Variants in RNF10 observed in about 807,000 individuals in gnomAD.
RNF10 encodes the protein E3 ubiquitin-protein ligase RNF10.
In RNF10, 38 loss-of-function variants were observed where a neutral mutation model predicts 91.4. That is an observed-to-expected ratio of 0.42 (90% CI 0.32 to 0.54). The LOEUF is 0.54. RNF10 is among the 20% of genes least tolerant of loss of function. The probability of loss-of-function intolerance (pLI) is 0.16; values close to 1 mark genes in which losing one functional copy is unlikely to be tolerated. For synonymous variants in RNF10, 364 were observed against 366.3 expected (o/e 0.99, Z 0.07); for missense variants, 945 against 1,012.0 (o/e 0.93, Z 0.90).
intron 2 of RNF10, among the ~76,000 whole-genome samples, chr12:120,551,872 GA>G (rs961059201): frequency 6.6e-6 from 1 of 152,060 alleles, no homozygotes; most frequent in South Asian, 2.1e-4. Flanking sequence ...GGTAATTTAT[GA>G]AAAAGAGTGG....
At chr12:120,543,501 C>CA (rs1312709037) in intron 1 of RNF10, among the ~76,000 whole-genome samples, 1 of 151,810 alleles carries the variant, frequency 6.6e-6, no homozygotes, top group African/African-American at 2.4e-5. Flanking sequence ...CCCGTCTGCA[C>CA]AAAAAAATTT....
chr12:120,570,806 A>C lies in RNF10; in HGVS notation c.2042-385A>C, dbSNP rs568611506. 5.3e-5 allele frequency among the ~76,000 whole-genome samples: 8 copies of C among 152,270 alleles called. No homozygotes were observed. The East Asian group carries it at 1.2e-3, about 22-fold the overall frequency. ...GGGAATGTAAAAGCTGAGCTGATTAAATTTTATCTTTTTCTTGGAGCTATT... is the reference window on the plus strand; with the variant it reads ...GGGAATGTAAAAGCTGAGCTGATTACATTTTATCTTTTTCTTGGAGCTATT... On this transcript the variant is annotated intron_variant, in intron 13 of 16. Coordinates refer to ENST00000325954, the MANE Select transcript of RNF10 (RefSeq NM_014868.5).
intron 1 of RNF10, 40 bp downstream of exon 1, chr12:120,535,008 C>G: frequency 6.5e-7 from 1 of 1,544,246 alleles, no homozygotes; most frequent in African/African-American, 1.4e-5. Flanking sequence ...GGCGACTGCC[C>G]CTGCTGCTGG....
intron 2 of RNF10, among the ~76,000 whole-genome samples, chr12:120,549,751 C>G (rs1872772106): frequency 6.6e-6 from 1 of 152,138 alleles, no homozygotes; most frequent in Admixed American, 6.5e-5. Context: ...CACCACTGCA[C>G]TCCAGCTTGG....
rs1593125756 is a variant in RNF10 at position 120,575,698 on chromosome 12, G to A, written c.2200+10G>A. 6.2e-7 allele frequency: 1 copy of A among 1,614,222 alleles called. No homozygotes were observed. ...ACTGCTCCAAAGAAAGGTGAGGATGGTCCACTGGTGAAGGGGGAGTTTGGC... is the reference window on the plus strand; with the variant it reads ...ACTGCTCCAAAGAAAGGTGAGGATGATCCACTGGTGAAGGGGGAGTTTGGC... On this transcript the variant is annotated intron_variant, in intron 15 of 16. Coordinates refer to ENST00000325954, the MANE Select transcript of RNF10 (RefSeq NM_014868.5).
rs980446280 is a variant in RNF10 at position 120,552,666 on chromosome 12, G to C, written c.522G>C (p.Lys174Asn). 1 of 1,614,084 alleles carries C rather than the reference G, an allele frequency of 6.2e-7. No homozygotes were observed. Among genetic ancestry groups the C allele is most frequent in the Non-Finnish European group, 8.5e-7 (1 of 1,180,010 alleles). Residue 174 changes from lysine (K) to asparagine (N), a missense_variant, in exon 3 of 17, where the codon AAG (lysine) becomes AAC (asparagine). Physicochemically the swap from Lys to Asn is moderately conservative, Grantham distance 94. Coordinates refer to ENST00000325954, the MANE Select transcript of RNF10 (RefSeq NM_014868.5). ...SWGKRNKWGH[K>N]PFNKELFLQA... ...GAAAGAGGAACAAGTGGGGACATAA[G>C]CCTTTTAACAAGGAACTCTTTTTAC...
At chr12:120,552,413 G>A in intron 2 of RNF10, 86 bp from the exon 3 acceptor site, 3 of 1,136,900 alleles carry the variant, frequency 2.6e-6, no homozygotes, top group South Asian at 2.9e-5. Context: ...AAAAAAAGCT[G>A]TGTAAAAGGA....
At chr12:120,566,465 T>G (rs1392628198) in intron 12 of RNF10, among the ~76,000 whole-genome samples, 1 of 152,162 alleles carries the variant, frequency 6.6e-6, no homozygotes, top group Non-Finnish European at 1.5e-5. Flanking sequence ...TGTTGGAAAC[T>G]ATTTGAAAAA....
chr12:120,550,620 G>C (rs1225157216), intron 2 of RNF10, among the ~76,000 whole-genome samples: 1 of 150,844 alleles, frequency 6.6e-6, no homozygotes. Flanking sequence ...TTTTTTGGAC[G>C]AAGTCTCGCT....
intron 1 of RNF10, among the ~76,000 whole-genome samples, chr12:120,542,632 A>C (rs1871739383): frequency 6.6e-6 from 1 of 152,182 alleles, no homozygotes; most frequent in African/African-American, 2.4e-5. Flanking sequence ...AGCTCACTGC[A>C]ACCTCTGCCT....
At position 120,552,501 on chromosome 12, in the gene RNF10, AGCAGAGGCTCAACGG is replaced by A. The variant is rs764120071; in HGVS notation, c.364_378del (p.Ala122_Glu126del). 112 of 1,612,962 alleles carry A rather than the reference AGCAGAGGCTCAACGG, an allele frequency of 6.9e-5. No individual in the cohort carries two copies. Among genetic ancestry groups the A allele is most frequent in the Non-Finnish European group, 9.3e-5 (110 of 1,179,048 alleles). On this transcript the variant is annotated inframe_deletion, in exon 3 of 17. Transcript: ENST00000325954. ...TGATTCATTCTCATTCTCTCTAGGT[AGCAGAGGCTCAACGG>A]GCAGAGTTTAGCCCTGCCCAGTTCT...
intron 6 of RNF10, 107 bp from the exon 7 acceptor site, chr12:120,560,619 C>A: frequency 9.7e-7 from 1 of 1,033,968 alleles, no homozygotes; most frequent in Admixed American, 2.4e-5. Context: ...TGCTAAATTA[C>A]CCCATTTTCA....
chr12:120,562,239 G>A (rs1488987905), intron 7 of RNF10, among the ~76,000 whole-genome samples: 1 of 146,622 alleles, frequency 6.8e-6, no homozygotes, highest in African/African-American at 2.5e-5. Context: ...GAGAACATGT[G>A]TGCGATATTT....
At chr12:120,560,493 A>G (rs570191310) in intron 6 of RNF10, among the ~76,000 whole-genome samples, 11 of 152,310 alleles carry the variant, frequency 7.2e-5, no homozygotes, top group African/African-American at 2.6e-4. Context: ...TGCTGTAACA[A>G]TAAACGCGTG....
At chr12:120,570,053 T>G (rs937128529) in intron 13 of RNF10, 1 of 151,006 alleles carries the variant, frequency 6.6e-6, no homozygotes, top group Non-Finnish European at 1.5e-5. Context: ...GCCTGGCTAA[T>G]TTTTTGTATT....
At chr12:120,565,613 C>A in intron 12 of RNF10, 84 bp downstream of exon 12, 1 of 1,109,740 alleles carries the variant, frequency 9.0e-7, no homozygotes, top group Non-Finnish European at 1.3e-6. Flanking sequence ...GGAGCCAGAC[C>A]TTAGCCACTT....
chr12:120,547,423 G>A (rs1872497829), intron 2 of RNF10, among the ~76,000 whole-genome samples: 1 of 152,122 alleles, frequency 6.6e-6, no homozygotes, highest in Non-Finnish European at 1.5e-5. Flanking sequence ...TTGAGTAGCT[G>A]GAAATACAGG....
At chr12:120,550,799 T>C (rs1872932725) in intron 2 of RNF10, among the ~76,000 whole-genome samples, 1 of 151,976 alleles carries the variant, frequency 6.6e-6, no homozygotes, top group Non-Finnish European at 1.5e-5. Flanking sequence ...GGTTTCACTG[T>C]GTTAGCCAGG....
intron 2 of RNF10, among the ~76,000 whole-genome samples, chr12:120,548,660 C>CTTTT (rs5801391): frequency 7.5e-6 from 1 of 133,366 alleles, no homozygotes; most frequent in East Asian, 2.2e-4. Context: ...TTTTTTCTTT[C>CTTTT]TTTTTTTTTT....
Sources: allele counts gnomAD v4.1 joint callset (sites outside exome capture counted in the v4.1 genomes callset), GRCh38; gene constraint gnomAD v4.1.1; transcripts MANE v1.5; gene names NCBI Gene and HGNC (gene_info 2026-07-23, HGNC 2026-07-21).